Variants in RNF144A observed in about 807,000 individuals in gnomAD.
RNF144A encodes the protein ring finger protein 144A.
RNF144A carries 11 observed loss-of-function variants against 38.7 expected under a neutral mutation model. The observed-to-expected ratio is 0.28, with a 90% CI of 0.18 to 0.47. RNF144A has a LOEUF of 0.47. Among genes scored for constraint, RNF144A ranks in the 20% least tolerant of loss-of-function variants. The probability of loss-of-function intolerance (pLI) is 0.99; values close to 1 mark genes in which losing one functional copy is unlikely to be tolerated. For missense variants in RNF144A, 316 were observed against 377.2 expected (o/e 0.84, Z 1.34); for synonymous variants, 149 against 143.9 (o/e 1.04, Z -0.25).
chr2:7,018,747 G>A (rs755586136), intron 5 of RNF144A, among the ~76,000 whole-genome samples: 3 of 152,184 alleles, frequency 2.0e-5, no homozygotes, highest in Non-Finnish European at 2.9e-5. Flanking sequence ...AGCATCCTGG[G>A]GATTTTAGAT....
rs180977572 is a variant in RNF144A, at chr2:7,044,120, C to G, written c.*4360C>G. The G allele has an allele frequency of 8.5e-4, 833 of 985,770 alleles. No homozygotes were observed. The highest frequency in any genetic ancestry group is 2.1e-3 in the Middle Eastern group (4 of 1,914). The allele number at this position is 985,770 out of a possible 1,614,324, so 61.1% of individuals were successfully genotyped here. A position where few individuals can be genotyped will look rare whatever the true frequency, so the allele number is the denominator to read the frequency against. On this transcript the variant is annotated 3_prime_UTR_variant, in exon 9 of 9. Transcript: ENST00000320892. ...TTGTGTCTTACGTAGTTTGTCCCCC[C>G]CTTTAGCAGGGATTCCTTTTTAAAG...
Position 6,962,506 on chromosome 2 carries a change from G to A in RNF144A, c.-12+21359G>A, listed in dbSNP as rs556633276. On this transcript the variant is annotated intron_variant, in intron 2 of 8. Coordinates refer to ENST00000320892, the MANE Select transcript of RNF144A (RefSeq NM_014746.6). This position sits in a 1 kb window ranked among gnomAD's most constrained non-coding sequence, Gnocchi z 4.1. ...TTTTTGTTAGAAGGGAAGCTCTGCC[G>A]AGGACTCTTTTTGATCTCATAATTT... Among the ~76,000 whole-genome samples, 10 of 152,234 alleles carry A rather than the reference G, an allele frequency of 6.6e-5. No homozygotes were observed. Among genetic ancestry groups the A allele is most frequent in the Non-Finnish European group, 1.0e-4 (7 of 68,022 alleles).
At chr2:6,974,690 A>G (rs1449284962) in intron 2 of RNF144A, among the ~76,000 whole-genome samples, 1 of 152,164 alleles carries the variant, frequency 6.6e-6, no homozygotes. Context: ...AACCTTGTTT[A>G]ACTCTTAGCT....
Position 6,970,382 on chromosome 2 carries a change from G to C in RNF144A, c.-11-26534G>C, listed in dbSNP as rs148616000. Among the ~76,000 whole-genome samples the C allele has an allele frequency of 8.1e-3, 1,231 of 152,222 alleles. 28 individuals carry two copies. The highest frequency in any genetic ancestry group is 0.028 in the African/African-American group (1,169 of 41,516). On this transcript the variant is annotated intron_variant, in intron 2 of 8. Coordinates refer to ENST00000320892, the MANE Select transcript of RNF144A (RefSeq NM_014746.6). ...TGCCATCCACGTACAATGTGAGTTG[G>C]TCCTCCTTGCCTTTCACCATGATTG...
chr2:6,927,871 G>T (rs1664976277), intron 1 of RNF144A, among the ~76,000 whole-genome samples: 1 of 152,232 alleles, frequency 6.6e-6, no homozygotes, highest in South Asian at 2.1e-4. Flanking sequence ...GCTTGCATCA[G>T]ACTGAAGTGC....
chr2:7,005,329 C>T (rs1670368458), intron 3 of RNF144A, among the ~76,000 whole-genome samples: 1 of 152,270 alleles, frequency 6.6e-6, no homozygotes, highest in East Asian at 1.9e-4. Context: ...TTCCGAGGAC[C>T]ATCGGTGGGC....
At chr2:7,047,521 C>T (rs1359527762), downstream of RNF144A, among the ~76,000 whole-genome samples, 4 of 152,172 alleles carry the variant, frequency 2.6e-5, no homozygotes, top group African/African-American at 9.7e-5. Context: ...TCTTCACTAT[C>T]ACGAGAATAG....
At chr2:7,004,697 C>A (rs1670327081) in intron 3 of RNF144A, among the ~76,000 whole-genome samples, 1 of 152,204 alleles carries the variant, frequency 6.6e-6, no homozygotes, top group Admixed American at 6.5e-5. Context: ...ATGCTCCTCC[C>A]CCTTTCTCAA....
intron 5 of RNF144A, among the ~76,000 whole-genome samples, chr2:7,015,369 T>G (rs1671068522): frequency 6.6e-6 from 1 of 152,228 alleles, no homozygotes; most frequent in African/African-American, 2.4e-5. Context: ...GCTAACTGAC[T>G]TGCCCTGATT....
chr2:7,059,191 C>CA (rs756251281), intron 6 of RNF144A, among the ~76,000 whole-genome samples: 1 of 151,868 alleles, frequency 6.6e-6, no homozygotes, highest in Non-Finnish European at 1.5e-5. Context: ...ACTAAAAATA[C>CA]AAAAAATTAG....
intron 2 of RNF144A, among the ~76,000 whole-genome samples, chr2:6,989,164 CAT>C (rs1162167100): frequency 6.6e-6 from 1 of 152,196 alleles, no homozygotes; most frequent in East Asian, 1.9e-4. Flanking sequence ...AACAAGGAAA[CAT>C]ATGTATGTAC....
intron 2 of RNF144A, among the ~76,000 whole-genome samples, chr2:6,955,238 T>C (rs1481247043): frequency 6.6e-6 from 1 of 152,204 alleles, no homozygotes; most frequent in Non-Finnish European, 1.5e-5. Flanking sequence ...TTTGTGGTAA[T>C]CCATTTTCCA....
intron 3 of RNF144A, among the ~76,000 whole-genome samples, chr2:6,999,958 G>A (rs1669996286): frequency 6.6e-6 from 1 of 152,190 alleles, no homozygotes; most frequent in Non-Finnish European, 1.5e-5. Flanking sequence ...AAGAGCAGGA[G>A]GAATGTACCA....
At chr2:6,956,260 TA>T (rs1295492183) in intron 2 of RNF144A, among the ~76,000 whole-genome samples, 1 of 151,692 alleles carries the variant, frequency 6.6e-6, no homozygotes, top group East Asian at 1.9e-4. Context: ...GGGTGGGGGA[TA>T]AGGTGCACAG....
chr2:6,992,406 G>T (rs1483161983), intron 2 of RNF144A, among the ~76,000 whole-genome samples: 1 of 152,240 alleles, frequency 6.6e-6, no homozygotes, highest in African/African-American at 2.4e-5. Flanking sequence ...CAGAGACCCA[G>T]AGACGGGAGA....
At chr2:6,986,390 A>G (rs1045939083) in intron 2 of RNF144A, among the ~76,000 whole-genome samples, 2 of 152,070 alleles carry the variant, frequency 1.3e-5, no homozygotes, top group Non-Finnish European at 2.9e-5. Context: ...CTTGTTGCTT[A>G]GCAACAAGGT....
intron 6 of RNF144A, among the ~76,000 whole-genome samples, chr2:7,023,222 C>G (rs1399837026): frequency 6.6e-6 from 1 of 152,112 alleles, no homozygotes; most frequent in Non-Finnish European, 1.5e-5. Context: ...ACTAATGGAC[C>G]AAACAGTCAC....
chr2:7,063,062 G>A (rs942382905), intron 6 of RNF144A: 2 of 152,318 alleles, frequency 1.3e-5, no homozygotes, highest in East Asian at 3.9e-4. Flanking sequence ...TTGCAGCTGG[G>A]GAGGAGGACA....
chr2:6,925,058 A>G (rs1664774059), intron 1 of RNF144A, among the ~76,000 whole-genome samples: 1 of 152,220 alleles, frequency 6.6e-6, no homozygotes, highest in Admixed American at 6.5e-5. Flanking sequence ...GAATTTTGAT[A>G]GCGTATGCAC....
Sources: gnomAD v4.1 joint callset for allele counts (sites outside exome capture counted in the v4.1 genomes callset) on GRCh38, gnomAD v4.1.1 for gene constraint, Gnocchi (gnomAD v3.1) non-coding constraint, MANE v1.5 for transcripts, NCBI Gene and HGNC (gene_info 2026-07-23, HGNC 2026-07-21) for gene names.